CACNA1C: variants seen among roughly 807,000 people sequenced by gnomAD.
The protein encoded by CACNA1C is voltage-dependent L-type calcium channel subunit alpha-1C.
Under a neutral mutation model 229.0 loss-of-function variants are expected in CACNA1C, and 30 were observed. That is an observed-to-expected ratio of 0.13 (90% CI 0.10 to 0.18). CACNA1C has a LOEUF of 0.18. Among genes scored for constraint, CACNA1C ranks in the 10% least tolerant of loss-of-function variants. CACNA1C has a pLI of 1.00. For synonymous variants in CACNA1C, 1,114 were observed against 1,132.5 expected, an observed-to-expected ratio of 0.98 and a Z score of 0.33; for missense variants, 1,658 against 2,845.0, an observed-to-expected ratio of 0.58 and a Z score of 9.49.
chr12:2,236,529 G>A (rs1200698677), intron 3 of CACNA1C, among the ~76,000 whole-genome samples: 5 of 152,142 alleles, frequency 3.3e-5, no homozygotes, highest in East Asian at 1.9e-4. Flanking sequence ...AAAATGGAAA[G>A]GTTATGTCCC....
chr12:2,067,759 G>A lies in CACNA1C; in HGVS notation c.49+14148G>A, dbSNP rs2059931215. Among the ~76,000 whole-genome samples, 1 of 152,220 alleles carries A rather than the reference G, an allele frequency of 6.6e-6. No individual in the cohort carries two copies. The highest frequency in any genetic ancestry group is 2.1e-4 in the South Asian group (1 of 4,820). On this transcript the variant is annotated intron_variant, in intron 1 of 46. Coordinates refer to ENST00000399655, the MANE Select transcript of CACNA1C (RefSeq NM_000719.7). The surrounding 1 kb of genome is among the most constrained non-coding windows in gnomAD (Gnocchi z 5.3). ...TAACCTCAGTCAGGGCGCAACGGTA[G>A]AAAGGAGGAGTGATGGGGCAATCAA...
At chr12:2,416,494 T>C (rs970262851) in intron 3 of CACNA1C, among the ~76,000 whole-genome samples, 1 of 152,142 alleles carries the variant, frequency 6.6e-6, no homozygotes, top group Non-Finnish European at 1.5e-5. Flanking sequence ...GCTGCTACCG[T>C]CTCCATTTTA....
chr12:2,598,830 T>A (rs1394825108), intron 21 of CACNA1C, among the ~76,000 whole-genome samples: 1 of 152,216 alleles, frequency 6.6e-6, no homozygotes, highest in African/African-American at 2.4e-5. Context: ...CCAGCTGCCA[T>A]CCCTGGTTCC....
intron 46 of CACNA1C, chr12:2,690,342 T>A (rs2097755128): frequency 6.5e-6 from 1 of 153,060 alleles, no homozygotes; most frequent in Non-Finnish European, 1.5e-5. Context: ...GTTTTGGTTG[T>A]TTTTTGAGAC....
chr12:2,344,295 T>A (rs1242244151), intron 3 of CACNA1C, among the ~76,000 whole-genome samples: 1 of 152,142 alleles, frequency 6.6e-6, no homozygotes, highest in Non-Finnish European at 1.5e-5. Context: ...TGGAATGATG[T>A]AGCAAAGAAA....
At chr12:2,562,211 G>A (rs1600162706) in intron 11 of CACNA1C, among the ~76,000 whole-genome samples, 1 of 151,982 alleles carries the variant, frequency 6.6e-6, no homozygotes, top group African/African-American at 2.4e-5. Flanking sequence ...CATGGGACCA[G>A]CCTGACCACA....
At chr12:2,603,009 G>A (rs576298376) in intron 22 of CACNA1C, among the ~76,000 whole-genome samples, 10 of 152,280 alleles carry the variant, frequency 6.6e-5, no homozygotes, top group African/African-American at 2.4e-4. Flanking sequence ...AAGTCCCAGC[G>A]TTCCTGGGTC....
chr12:2,326,465 G>C (rs1380044860), intron 3 of CACNA1C, among the ~76,000 whole-genome samples: 2 of 152,178 alleles, frequency 1.3e-5, no homozygotes, highest in African/African-American at 4.8e-5. Context: ...AGAACCTTCA[G>C]CTGGGCCCTG....
chr12:2,436,446 C>T (rs1251670745), intron 3 of CACNA1C, among the ~76,000 whole-genome samples: 2 of 152,214 alleles, frequency 1.3e-5, no homozygotes, highest in East Asian at 1.9e-4. Flanking sequence ...TCATCCTCTG[C>T]TCCATAGCTC....
chr12:2,039,816 A>C (rs144193999), intron 1 of CACNA1C, among the ~76,000 whole-genome samples: 4 of 151,952 alleles, frequency 2.6e-5, no homozygotes, highest in Non-Finnish European at 5.9e-5. Context: ...CCATTGGGCC[A>C]TAGGGGTGAG....
chr12:2,035,108 A>C (rs2154492997), intron 1 of CACNA1C, among the ~76,000 whole-genome samples: 1 of 152,260 alleles, frequency 6.6e-6, no homozygotes, highest in South Asian at 2.1e-4. Context: ...CGGAGACCGC[A>C]AGGCCCGGGG....
intron 3 of CACNA1C, among the ~76,000 whole-genome samples, chr12:2,428,004 G>A (rs996383152): frequency 1.3e-5 from 2 of 152,140 alleles, no homozygotes; most frequent in Admixed American, 6.5e-5. Flanking sequence ...TCAAACACTC[G>A]GCCTGTCGCT....
intron 11 of CACNA1C, among the ~76,000 whole-genome samples, chr12:2,565,973 G>T (rs1192540286): frequency 6.6e-6 from 1 of 152,218 alleles, no homozygotes; most frequent in African/African-American, 2.4e-5. Flanking sequence ...GTGCTTTGCA[G>T]AGTTACTGAA....
chr12:2,583,377 C>G lies in CACNA1C; in HGVS notation c.2224+435C>G, dbSNP rs1453898698. Reference sequence around the variant, plus strand: ...TCTCCTCCTGCTTTTTGGTCAGCAGCCCTCTCTCTGATGCTGCTCTCCAGG... The same window carrying G: ...TCTCCTCCTGCTTTTTGGTCAGCAGGCCTCTCTCTGATGCTGCTCTCCAGG... On this transcript the variant is annotated intron_variant, in intron 15 of 46. Coordinates refer to ENST00000399655, the MANE Select transcript of CACNA1C (RefSeq NM_000719.7). Among the ~76,000 whole-genome samples the G allele has an allele frequency of 2.0e-5, 3 of 152,366 alleles. No individual in the cohort carries two copies. The East Asian group carries it at 5.8e-4, about 29-fold the overall frequency.
At chr12:2,155,180 G>C (rs148904267) in intron 3 of CACNA1C, among the ~76,000 whole-genome samples, 1 of 152,184 alleles carries the variant, frequency 6.6e-6, no homozygotes, top group Non-Finnish European at 1.5e-5. Flanking sequence ...GTTGTTTTGC[G>C]TGGAGAACGT....
rs1469537159 is a variant in CACNA1C, at chr12:2,633,030, A to G, written c.3829-1267A>G. ...TGCACTTATTATGGATCTTGTTTTAACAATTTGGTCCTTCTTTTATTTTTG... is the reference window on the plus strand; with the variant it reads ...TGCACTTATTATGGATCTTGTTTTAGCAATTTGGTCCTTCTTTTATTTTTG... On this transcript the variant is annotated intron_variant, in intron 29 of 46. Coordinates refer to ENST00000399655, the MANE Select transcript of CACNA1C (RefSeq NM_000719.7). This position sits in a 1 kb window ranked among gnomAD's most constrained non-coding sequence, Gnocchi z 5.8. Among the ~76,000 whole-genome samples the G allele has an allele frequency of 6.6e-6, 1 of 152,150 alleles. No homozygotes were observed. Among genetic ancestry groups the G allele is most frequent in the African/African-American group, 2.4e-5 (1 of 41,414 alleles).
intron 1 of CACNA1C, among the ~76,000 whole-genome samples, chr12:2,005,565 GA>G (rs1415239806): frequency 6.6e-6 from 1 of 152,154 alleles, no homozygotes; most frequent in African/African-American, 2.4e-5. Flanking sequence ...TAAAAGTTTA[GA>G]AAATGTGTAT....
chr12:2,297,032 G>T (rs1358840251), intron 3 of CACNA1C, among the ~76,000 whole-genome samples: 1 of 152,084 alleles, frequency 6.6e-6, no homozygotes, highest in Non-Finnish European at 1.5e-5. Flanking sequence ...TGCCTTGGGG[G>T]TATAACCCTC....
At chr12:2,382,371 C>G (rs531802175) in intron 3 of CACNA1C, among the ~76,000 whole-genome samples, 1 of 152,182 alleles carries the variant, frequency 6.6e-6, no homozygotes, top group African/African-American at 2.4e-5. Flanking sequence ...TTGTGTATTA[C>G]AAAATTGTCT....
Sources: allele counts gnomAD v4.1 joint callset (sites outside exome capture counted in the v4.1 genomes callset), GRCh38; gene constraint gnomAD v4.1.1; non-coding constraint Gnocchi (gnomAD v3.1); transcripts MANE v1.5; gene names NCBI Gene and HGNC (gene_info 2026-07-23, HGNC 2026-07-21).